Variants in HNRNPF observed in about 807,000 individuals in gnomAD.
HNRNPF encodes HnRNP F protein.
A neutral mutation model predicts 26.0 loss-of-function variants in HNRNPF; 2 were observed. The ratio of observed to expected loss-of-function variants is 0.08; its 90% confidence interval spans 0.03 to 0.24. HNRNPF has a LOEUF of 0.24. HNRNPF is among the 10% of genes least tolerant of loss of function. HNRNPF has a pLI of 1.00. For missense variants in HNRNPF, 299 were observed against 539.2 expected (o/e 0.55, Z 4.41); for synonymous variants, 234 against 211.5 (o/e 1.11, Z -0.92).
Position 43,386,627 on chromosome 10 carries a change from C to A in HNRNPF, c.*10G>T. 1.3e-6 allele frequency: 2 copies of A among 1,529,190 alleles called. No homozygotes were observed. Among genetic ancestry groups the A allele is most frequent in the African/African-American group, 1.4e-5 (1 of 71,854 alleles). The allele number at this position is 1,529,190 out of a possible 1,614,324, so 94.7% of individuals were successfully genotyped here. ...AAATGATTGAAGTAACTCAAATGTTCCTAACAAAACTAGTCATAGCCACCC... is the reference window on the plus strand; with the variant it reads ...AAATGATTGAAGTAACTCAAATGTTACTAACAAAACTAGTCATAGCCACCC... On this transcript the variant is annotated 3_prime_UTR_variant, in exon 4 of 4. Transcript: ENST00000682386.
intron 1 of HNRNPF, among the ~76,000 whole-genome samples, chr10:43,402,492 C>T (rs1838784284): frequency 6.6e-6 from 1 of 152,192 alleles, no homozygotes; most frequent in Non-Finnish European, 1.5e-5. Context: ...CCTATCAACA[C>T]CCTCATCTTA....
intron 1 of HNRNPF, among the ~76,000 whole-genome samples, chr10:43,404,490 C>G (rs1395414993): frequency 6.6e-6 from 1 of 151,858 alleles, no homozygotes; most frequent in Non-Finnish European, 1.5e-5. Context: ...GAGAAGATAC[C>G]AACCAATATG....
chr10:43,404,060 G>T (rs950706868), intron 1 of HNRNPF, among the ~76,000 whole-genome samples: 1 of 151,960 alleles, frequency 6.6e-6, no homozygotes, highest in Admixed American at 6.6e-5. Flanking sequence ...ACTTTGGGAG[G>T]CCAAGGCAGG....
Position 43,386,718 on chromosome 10 carries a change from G to GT in HNRNPF, c.1166dup (p.Tyr389Ter). ...TCACTGACTGGCTCTCCAGGCCACTGTAAGTGGCCTGGGCAGCAGACACCC... is the reference window on the plus strand; with the variant it reads ...TCACTGACTGGCTCTCCAGGCCACTGTTAAGTGGCCTGGGCAGCAGACACCC... ...GMGVSAAQAT[Y>*]SGLESQSVSG... Residue 389 changes from tyrosine to a stop codon, truncating the protein, a stop_gained and frameshift_variant, in exon 4 of 4, where the codon TAC becomes TAAC. Transcript: ENST00000682386. LOFTEE classifies it high-confidence loss of function. 6.2e-7 allele frequency: 1 copy of GT among 1,613,626 alleles called. No homozygotes were observed. Among genetic ancestry groups the GT allele is most frequent in the Non-Finnish European group, 8.5e-7 (1 of 1,179,574 alleles).
At position 43,398,658 on chromosome 10, in the gene HNRNPF, G is replaced by T. The variant is rs1466680669; in HGVS notation, c.-246-2068C>A. On this transcript the variant is annotated intron_variant, in intron 1 of 3. Coordinates refer to ENST00000682386, the MANE Select transcript of HNRNPF (RefSeq NM_001098204.2). ...CCCGGCCTGTTTTACGTTTTTAACA[G>T]AATTATTATTATTTTGAGACAGGGT... 2.0e-5 allele frequency among the ~76,000 whole-genome samples: 3 copies of T among 151,972 alleles called. No homozygotes were observed. The East Asian group carries it at 5.8e-4, about 29-fold the overall frequency.
At chr10:43,402,545 C>T (rs1391844626) in intron 1 of HNRNPF, among the ~76,000 whole-genome samples, 5 of 152,178 alleles carry the variant, frequency 3.3e-5, no homozygotes, top group African/African-American at 1.2e-4. Flanking sequence ...TGTTACTAGT[C>T]TGTATTACTT....
In HNRNPF at chr10:43,387,104, C is replaced by A; in HGVS notation, c.781G>T (p.Gly261Trp). 1 of 1,613,584 alleles carries A rather than the reference C, an allele frequency of 6.2e-7. No homozygotes were observed. The highest frequency in any genetic ancestry group is 8.5e-7 in the Non-Finnish European group (1 of 1,180,020). ...GAGAGACAGTAGCTGAGGTCTCTCCCGAACAGGTCGGTGGTGAAGCCGTAG... is the reference window on the plus strand; with the variant it reads ...GAGAGACAGTAGCTGAGGTCTCTCCAGAACAGGTCGGTGGTGAAGCCGTAG... ...DGYGFTTDLFGRDLSYCLSGM... is the reference protein window; with the variant it reads ...DGYGFTTDLFWRDLSYCLSGM... The change falls in exon 4 of 4, where the codon GGG (glycine) becomes TGG (tryptophan). Residue 261 changes from glycine to tryptophan, a missense_variant. Gly to Trp is a radical substitution (Grantham distance 184). Transcript: ENST00000682386. This position sits in a 1 kb window ranked among gnomAD's most constrained non-coding sequence, Gnocchi z 6.0.
chr10:43,407,135 G>T (rs1217862035), intron 1 of HNRNPF, among the ~76,000 whole-genome samples: 1 of 151,990 alleles, frequency 6.6e-6, no homozygotes, highest in East Asian at 1.9e-4. Context: ...TTTTGGGACG[G>T]AACGACTGAA....
intron 3 of HNRNPF, among the ~76,000 whole-genome samples, chr10:43,390,450 T>C (rs1348536887): frequency 4.6e-5 from 7 of 152,158 alleles, no homozygotes; most frequent in Non-Finnish European, 2.9e-5. Context: ...CATTTTCTCC[T>C]GGACTCCTAC....
chr10:43,387,575 T>G lies in HNRNPF; in HGVS notation c.310A>C (p.Ser104Arg). 2 of 1,614,188 alleles carry G rather than the reference T, an allele frequency of 1.2e-6. No homozygotes were observed. The highest frequency in any genetic ancestry group is 1.7e-6 in the Non-Finnish European group (2 of 1,179,998). ...DWVLKHSGPN[S>R]ADSANDGFVR... Reference sequence around the variant, plus strand: ...AAGCCATCGTTGGCGCTGTCGGCACTGTTGGGACCACTGTGCTTCAACACC... The same window carrying G: ...AAGCCATCGTTGGCGCTGTCGGCACGGTTGGGACCACTGTGCTTCAACACC... The change falls in exon 4 of 4, where the codon AGT (serine) becomes CGT (arginine). Residue 104 changes from serine to arginine, a missense_variant. By Grantham distance (110) the Ser-to-Arg change is moderately radical (BLOSUM62 -1). Coordinates refer to ENST00000682386, the MANE Select transcript of HNRNPF (RefSeq NM_001098204.2). This position sits in a 1 kb window ranked among gnomAD's most constrained non-coding sequence, Gnocchi z 6.0.
chr10:43,404,244 T>G (rs947958000), intron 1 of HNRNPF, among the ~76,000 whole-genome samples: 1 of 146,758 alleles, frequency 6.8e-6, no homozygotes, highest in Admixed American at 7.0e-5. Context: ...GAGGCTGCAG[T>G]GAGCCTGGAT....
chr10:43,390,510 T>C (rs900352257), intron 3 of HNRNPF, among the ~76,000 whole-genome samples: 3 of 152,158 alleles, frequency 2.0e-5, no homozygotes, highest in African/African-American at 7.2e-5. Flanking sequence ...AATCACATCC[T>C]ACTCCCTCCA....
chr10:43,408,735 C>T (rs1320517484), intron 1 of HNRNPF: 1 of 145,246 alleles, frequency 6.9e-6, no homozygotes, highest in Non-Finnish European at 1.5e-5. Context: ...ACCTCGGCCT[C>T]CGAGTCTCTA....
chr10:43,404,822 CAAA>C (rs1394239974), intron 1 of HNRNPF, among the ~76,000 whole-genome samples: 5 of 152,120 alleles, frequency 3.3e-5, no homozygotes, highest in African/African-American at 1.2e-4. Context: ...AACTCCGTCT[CAAA>C]AACAAAAATA....
intron 1 of HNRNPF, among the ~76,000 whole-genome samples, chr10:43,406,005 A>C (rs1838906999): frequency 1.3e-5 from 2 of 152,144 alleles, no homozygotes; most frequent in African/African-American, 4.8e-5. Flanking sequence ...GTCCCTGGAC[A>C]CATGACTTCT....
At chr10:43,406,779 G>A (rs1793893705) in intron 1 of HNRNPF, among the ~76,000 whole-genome samples, 1 of 152,056 alleles carries the variant, frequency 6.6e-6, no homozygotes, top group African/African-American at 2.4e-5. Flanking sequence ...CTAAATGCTG[G>A]GATTACAGGC....
At chr10:43,399,006 G>T (rs1838664434) in intron 1 of HNRNPF, among the ~76,000 whole-genome samples, 1 of 152,212 alleles carries the variant, frequency 6.6e-6, no homozygotes, top group African/African-American at 2.4e-5. Flanking sequence ...TTATGGTTAT[G>T]TTATAAAATA....
intron 1 of HNRNPF, among the ~76,000 whole-genome samples, chr10:43,399,157 T>C (rs1366487784): frequency 6.6e-6 from 1 of 151,976 alleles, no homozygotes; most frequent in Admixed American, 6.6e-5. Context: ...GACAGGCACA[T>C]TAGCCTCAAC....
At chr10:43,392,252 A>G (rs58950456) in intron 3 of HNRNPF, among the ~76,000 whole-genome samples, 244 of 152,184 alleles carry the variant, frequency 1.6e-3, no homozygotes, top group African/African-American at 5.6e-3. Flanking sequence ...AAAAATACAG[A>G]AAAATTGGCC....
Sources: allele counts gnomAD v4.1 joint callset (sites outside exome capture counted in the v4.1 genomes callset), GRCh38; gene constraint gnomAD v4.1.1; non-coding constraint Gnocchi (gnomAD v3.1); transcripts MANE v1.5; gene names NCBI Gene and HGNC (gene_info 2026-07-23, HGNC 2026-07-21).